Variants in BIRC6 observed in about 807,000 individuals in gnomAD.
The protein encoded by BIRC6 is dual E2 ubiquitin-conjugating enzyme/E3 ubiquitin-protein ligase BIRC6.
In BIRC6, 98 loss-of-function variants were observed where a neutral mutation model predicts 503.3. That is an observed-to-expected ratio of 0.19 (90% CI 0.17 to 0.23). BIRC6 has a LOEUF of 0.23. Ranked by LOEUF, BIRC6 falls within the 10% of genes least tolerant of loss-of-function variation. The probability of loss-of-function intolerance (pLI) is 1.00; values close to 1 mark genes in which losing one functional copy is unlikely to be tolerated. For synonymous variants in BIRC6, 2,240 were observed against 2,078.7 expected (o/e 1.08, Z -2.11); for missense variants, 5,360 against 5,806.0 (o/e 0.92, Z 2.50).
At chr2:32,519,749 C>G (rs948021253) in intron 57 of BIRC6, among the ~76,000 whole-genome samples, 1 of 152,158 alleles carries the variant, frequency 6.6e-6, no homozygotes, top group Non-Finnish European at 1.5e-5. Context: ...AACTCCTGAC[C>G]TCAAGTGATC....
Position 32,525,646 on chromosome 2 carries a change from A to G in BIRC6, c.11920+18A>G, listed in dbSNP as rs753524108. On this transcript the variant is annotated intron_variant, in intron 59 of 73. Transcript: ENST00000421745. ...CTTGGCAGGTAATATTCCTCAATGAATAAACGTCAAAGAAATTTTAGTAGC... is the reference window on the plus strand; with the variant it reads ...CTTGGCAGGTAATATTCCTCAATGAGTAAACGTCAAAGAAATTTTAGTAGC... The G allele has an allele frequency of 3.8e-6, 6 of 1,595,628 alleles. 1 individual carries two copies. The South Asian group carries it at 5.7e-5, about 15-fold the overall frequency.
chr2:32,586,689 G>A (rs1477543113), intron 66 of BIRC6, among the ~76,000 whole-genome samples: 1 of 151,894 alleles, frequency 6.6e-6, no homozygotes, highest in Non-Finnish European at 1.5e-5. Context: ...GAAGTCCTGG[G>A]ATTACAAATG....
Position 32,429,198 on chromosome 2 carries a change from A to C in BIRC6, c.2925A>C (p.Glu975Asp), listed in dbSNP as rs186220147. 1.1e-4 allele frequency: 176 copies of C among 1,586,634 alleles called. 2 individuals carry two copies. The East Asian group carries it at 3.7e-3, about 33-fold the overall frequency. The change falls in exon 11 of 74, where the codon GAA (glutamate) becomes GAC (aspartate). Residue 975 changes from glutamate (E) to aspartate (D), a missense_variant. Physicochemically the swap from Glu to Asp is conservative, Grantham distance 45. Coordinates refer to ENST00000421745, the MANE Select transcript of BIRC6 (RefSeq NM_016252.4). ...GAGGAACCTGTGATGATATTGATGAAGCTGATATACTAGTGGATGGATCTC... is the reference window on the plus strand; with the variant it reads ...GAGGAACCTGTGATGATATTGATGACGCTGATATACTAGTGGATGGATCTC... ...QIGGTCDDID[E>D]ADILVDGSLS...
chr2:32,413,699 A>AG (rs2042132964), intron 9 of BIRC6, among the ~76,000 whole-genome samples: 1 of 149,452 alleles, frequency 6.7e-6, no homozygotes, highest in African/African-American at 2.5e-5. Context: ...TTATGTCTTA[A>AG]GAAAAAAAAA....
chr2:32,584,866 G>A (rs2060924003), intron 66 of BIRC6, among the ~76,000 whole-genome samples: 1 of 152,078 alleles, frequency 6.6e-6, no homozygotes, highest in Non-Finnish European at 1.5e-5. Flanking sequence ...GCTAGTGTTT[G>A]AAAATTCCTG....
At chr2:32,495,050 G>A (rs557804792) in intron 45 of BIRC6, among the ~76,000 whole-genome samples, 83 of 152,296 alleles carry the variant, frequency 5.4e-4, no homozygotes, top group Admixed American at 9.8e-4. Flanking sequence ...TTAAAATCCC[G>A]TGAGGAATAA....
rs1238199027 is a variant in BIRC6, at chr2:32,453,854, A to G, written c.4665A>G (p.Thr1555=). The G allele has an allele frequency of 1.2e-6, 2 of 1,613,678 alleles. No homozygotes were observed. Among genetic ancestry groups the G allele is most frequent in the African/African-American group, 1.3e-5 (1 of 74,912 alleles). Residue 1555 remains threonine, a synonymous_variant, in exon 23 of 74, where the codon ACA becomes ACG. Transcript: ENST00000421745. ...SSCTAAEGSF[T]SLTGLLEVEP... ...GCACAGCTGCTGAGGGTAGTTTCAC[A>G]TCTCTCACTGGACTTTTGGAAGTTG...
intron 23 of BIRC6, among the ~76,000 whole-genome samples, chr2:32,459,679 TC>T (rs2047621434): frequency 6.6e-6 from 1 of 152,170 alleles, no homozygotes; most frequent in Non-Finnish European, 1.5e-5. Flanking sequence ...TGTTTTTCTG[TC>T]CCCTTAAATC....
intron 66 of BIRC6, among the ~76,000 whole-genome samples, chr2:32,589,015 TC>T (rs1421841496): frequency 1.3e-5 from 2 of 152,210 alleles, no homozygotes; most frequent in Non-Finnish European, 2.9e-5. Flanking sequence ...TTTCATAGCT[TC>T]CTTCAAGCAG....
intron 33 of BIRC6, among the ~76,000 whole-genome samples, chr2:32,473,744 TGTG>T (rs2049372412): frequency 7.2e-6 from 1 of 139,272 alleles, no homozygotes; most frequent in African/African-American, 2.7e-5. Flanking sequence ...TGTGTGTGTG[TGTG>T]TGTATTTTTT....
At chr2:32,489,879 T>G (rs1295824728) in intron 42 of BIRC6, among the ~76,000 whole-genome samples, 162 bp from the exon 43 acceptor site, 1 of 152,234 alleles carries the variant, frequency 6.6e-6, no homozygotes, top group Non-Finnish European at 1.5e-5. Flanking sequence ...ATGCGTTAGT[T>G]GTATTTAATG....
Position 32,598,758 on chromosome 2 carries a change from C to G in BIRC6, c.13830+790C>G, listed in dbSNP as rs1289986680. 3.3e-5 allele frequency among the ~76,000 whole-genome samples: 5 copies of G among 152,118 alleles called. No homozygotes were observed. In the South Asian group the frequency reaches 1.0e-3, roughly 32 times the overall value. Reference sequence around the variant, plus strand: ...CTTCTTTTGATTTTTTGGATAGGCTCATGCCTGTAATCCCAGCACTTTGGG... The same window carrying G: ...CTTCTTTTGATTTTTTGGATAGGCTGATGCCTGTAATCCCAGCACTTTGGG... On this transcript the variant is annotated intron_variant, in intron 69 of 73. Transcript: ENST00000421745.
chr2:32,529,563 C>G, intron 59 of BIRC6, 88 bp from the exon 60 acceptor site: 1 of 1,199,876 alleles, frequency 8.3e-7, no homozygotes. Context: ...CAAACTCTTG[C>G]CTGTAATTTA....
intron 66 of BIRC6, among the ~76,000 whole-genome samples, chr2:32,579,196 C>T (rs2060499474): frequency 1.3e-5 from 2 of 150,928 alleles, no homozygotes; most frequent in Admixed American, 6.6e-5. Context: ...GAATTTTTAC[C>T]TTCCTTTTGG....
intron 70 of BIRC6, among the ~76,000 whole-genome samples, chr2:32,600,364 T>C (rs2061972663): frequency 6.6e-6 from 1 of 152,220 alleles, no homozygotes; most frequent in South Asian, 2.1e-4. Context: ...AGAATTTCAA[T>C]GGTAAATTCT....
In BIRC6 at chr2:32,406,554, A is replaced by G; in HGVS notation, c.1474A>G (p.Thr492Ala). The G allele has an allele frequency of 6.2e-7, 1 of 1,605,106 alleles. No individual in the cohort carries two copies. The highest frequency in any genetic ancestry group is 8.5e-7 in the Non-Finnish European group (1 of 1,172,840). ...AGAGCATTCCAGATCAGATTCTGTG[A>G]CAGGTATGTAAAAAGTATTAGATAA... ...SEEHSRSDSV[T>A]GHTSQKEAME... Residue 492 changes from threonine (T) to alanine (A), a missense_variant, in exon 9 of 74, where the codon ACA becomes GCA. Thr to Ala is a moderately conservative substitution (Grantham distance 58, BLOSUM62 0). This residue lies in a region of BIRC6 where 700 missense variants were observed against 739.3 expected (regional missense o/e 0.95). Coordinates refer to ENST00000421745, the MANE Select transcript of BIRC6 (RefSeq NM_016252.4).
intron 1 of BIRC6, among the ~76,000 whole-genome samples, 154 bp from the exon 2 acceptor site, chr2:32,377,434 T>G (rs992176524): frequency 6.6e-6 from 1 of 152,200 alleles, no homozygotes; most frequent in African/African-American, 2.4e-5. Flanking sequence ...TTGAATTTAA[T>G]CCAGTTGGCC....
chr2:32,551,588 G>T (rs943697743), intron 65 of BIRC6, among the ~76,000 whole-genome samples: 1 of 152,086 alleles, frequency 6.6e-6, no homozygotes, highest in East Asian at 1.9e-4. Context: ...TGCCTTAAGT[G>T]GCATTTAAAA....
At chr2:32,361,342 C>A (rs796158157) in intron 1 of BIRC6, among the ~76,000 whole-genome samples, 1 of 151,456 alleles carries the variant, frequency 6.6e-6, no homozygotes, top group African/African-American at 2.4e-5. Context: ...CATTCCTTGA[C>A]TTTTTTTTTG....
Sources: allele counts gnomAD v4.1 joint callset (sites outside exome capture counted in the v4.1 genomes callset), GRCh38; gene constraint gnomAD v4.1.1; regional missense constraint gnomAD v4.1.1; transcripts MANE v1.5; gene names NCBI Gene and HGNC (gene_info 2026-07-23, HGNC 2026-07-21).